EXOC6B: variants seen among roughly 807,000 people sequenced by gnomAD.
The protein encoded by EXOC6B is exocyst complex component 6B.
In EXOC6B, 54 loss-of-function variants were observed where a neutral mutation model predicts 113.5. The observed-to-expected ratio is 0.48, with a 90% CI of 0.38 to 0.60. The LOEUF (loss-of-function observed/expected upper bound fraction) is 0.60. Ranked by LOEUF, EXOC6B falls within the 20% of genes least tolerant of loss-of-function variation. The pLI is 0.00. For missense variants in EXOC6B, 797 were observed against 977.5 expected (o/e 0.82, Z 2.46); for synonymous variants, 357 against 339.0 (o/e 1.05, Z -0.58).
At chr2:72,219,298 G>A (rs551683736) in intron 20 of EXOC6B, among the ~76,000 whole-genome samples, 1 of 152,114 alleles carries the variant, frequency 6.6e-6, no homozygotes, top group South Asian at 2.1e-4. Context: ...GGGGAAGAGG[G>A]CAGGACTATA....
intron 6 of EXOC6B, among the ~76,000 whole-genome samples, chr2:72,581,606 C>T (rs1411834316): frequency 6.6e-6 from 1 of 152,064 alleles, no homozygotes; most frequent in Non-Finnish European, 1.5e-5. Context: ...CATAGTTACC[C>T]GAGGCCCAAG....
intron 20 of EXOC6B, among the ~76,000 whole-genome samples, chr2:72,277,636 C>T (rs985239662): frequency 1.3e-5 from 2 of 151,882 alleles, no homozygotes; most frequent in Non-Finnish European, 1.5e-5. Context: ...GGATTACAAG[C>T]GCCCACCACC....
intron 19 of EXOC6B, among the ~76,000 whole-genome samples, chr2:72,343,596 G>A (rs561600867): frequency 6.6e-6 from 1 of 152,030 alleles, no homozygotes; most frequent in Admixed American, 6.6e-5. Flanking sequence ...TTTATTGCAG[G>A]GCAGGTCTGG....
chr2:72,288,339 A>G, intron 20 of EXOC6B, among the ~76,000 whole-genome samples: 1 of 152,154 alleles, frequency 6.6e-6, no homozygotes, highest in Non-Finnish European at 1.5e-5. Context: ...CATATCCAAC[A>G]GAAATGAGTA....
chr2:72,562,849 T>C (rs1308714054), intron 7 of EXOC6B, among the ~76,000 whole-genome samples: 3 of 152,298 alleles, frequency 2.0e-5, no homozygotes, highest in South Asian at 2.1e-4. Flanking sequence ...GAAGTTCAAA[T>C]ACATCTATGA....
intron 8 of EXOC6B, among the ~76,000 whole-genome samples, chr2:72,518,929 T>TA (rs1178224022): frequency 6.6e-6 from 1 of 152,064 alleles, no homozygotes; most frequent in Non-Finnish European, 1.5e-5. Flanking sequence ...ATATGGGTGA[T>TA]AAAGAATAGG....
chr2:72,459,616 G>A (rs1172965150), intron 18 of EXOC6B, among the ~76,000 whole-genome samples: 1 of 152,096 alleles, frequency 6.6e-6, no homozygotes, highest in Non-Finnish European at 1.5e-5. Flanking sequence ...TTGCTTCAAG[G>A]AGAATAAAAT....
intron 19 of EXOC6B, among the ~76,000 whole-genome samples, chr2:72,357,044 GAATGGTGCAC>G (rs932560878): frequency 1.3e-5 from 2 of 152,132 alleles, no homozygotes; most frequent in African/African-American, 4.8e-5. Flanking sequence ...ACACCACTCA[GAATGGTGCAC>G]AATTTAAAAT....
intron 2 of EXOC6B, among the ~76,000 whole-genome samples, chr2:72,734,839 G>A (rs1312284552): frequency 6.6e-6 from 1 of 152,100 alleles, no homozygotes; most frequent in Non-Finnish European, 1.5e-5. Flanking sequence ...AACAGATGAA[G>A]CCATTTTTAG....
chr2:72,518,370 G>A (rs1307278354), intron 8 of EXOC6B, among the ~76,000 whole-genome samples: 2 of 152,022 alleles, frequency 1.3e-5, no homozygotes, highest in Non-Finnish European at 2.9e-5. Flanking sequence ...TGGTTACCAT[G>A]TGATTGGCAC....
At chr2:72,640,557 T>C (rs563787645) in intron 6 of EXOC6B, among the ~76,000 whole-genome samples, 40 of 152,110 alleles carry the variant, frequency 2.6e-4, no homozygotes, top group Non-Finnish European at 5.1e-4. Flanking sequence ...CCAAGACACA[T>C]AATCATCAGA....
At chr2:72,342,382 T>C (rs984870472) in intron 19 of EXOC6B, among the ~76,000 whole-genome samples, 2 of 151,892 alleles carry the variant, frequency 1.3e-5, no homozygotes, top group African/African-American at 2.4e-5. Context: ...AGGACCTAAA[T>C]AGACATTTTT....
intron 6 of EXOC6B, 23 bp from the exon 7 acceptor site, chr2:72,575,691 C>T: frequency 6.6e-7 from 1 of 1,513,740 alleles, no homozygotes. Context: ...AGAACACACA[C>T]AAACACACCA....
intron 20 of EXOC6B, among the ~76,000 whole-genome samples, chr2:72,312,022 G>C (rs931970579): frequency 1.3e-5 from 2 of 152,140 alleles, no homozygotes; most frequent in African/African-American, 4.8e-5. Flanking sequence ...CTGATACTTG[G>C]GGAGTGACCA....
chr2:72,274,897 AGT>A (rs1473544738), intron 20 of EXOC6B, among the ~76,000 whole-genome samples: 1 of 152,166 alleles, frequency 6.6e-6, no homozygotes, highest in Non-Finnish European at 1.5e-5. Context: ...GCTTTTATAA[AGT>A]GTAACTTTAC....
chr2:72,483,847 C>T (rs1699256638), intron 16 of EXOC6B, among the ~76,000 whole-genome samples: 1 of 152,304 alleles, frequency 6.6e-6, no homozygotes, highest in Non-Finnish European at 1.5e-5. Context: ...ATATTTTTAA[C>T]GACTACTTCC....
chr2:72,637,002 A>C (rs974095531), intron 6 of EXOC6B, among the ~76,000 whole-genome samples: 15 of 152,174 alleles, frequency 9.9e-5, no homozygotes, highest in Non-Finnish European at 1.9e-4. Context: ...CAAAAGACCA[A>C]TTTCATTTGA....
At chr2:72,522,794 G>A (rs1296526062) in intron 8 of EXOC6B, among the ~76,000 whole-genome samples, 1 of 152,024 alleles carries the variant, frequency 6.6e-6, no homozygotes, top group Non-Finnish European at 1.5e-5. Flanking sequence ...CACATGTAAT[G>A]TACATATACA....
chr2:72,424,463 T>G (rs1695090752), intron 18 of EXOC6B, among the ~76,000 whole-genome samples: 1 of 152,164 alleles, frequency 6.6e-6, no homozygotes, highest in Non-Finnish European at 1.5e-5. Flanking sequence ...TTTTCTGTAT[T>G]TTTGGCTTTC....
Sources: gnomAD v4.1 joint callset for allele counts (sites outside exome capture counted in the v4.1 genomes callset) on GRCh38, gnomAD v4.1.1 for gene constraint, MANE v1.5 for transcripts, NCBI Gene and HGNC (gene_info 2026-07-23, HGNC 2026-07-21) for gene names.